The following ABCA10 variants were observed in gnomAD, a reference collection of about 807,000 sequenced individuals.
ABCA10 encodes the protein ATP binding cassette subfamily A member 10, also known as ATP-binding cassette sub-family A member 10.
Under a neutral mutation model 187.5 loss-of-function variants are expected in ABCA10, and 169 were observed. The ratio of observed to expected loss-of-function variants is 0.90; its 90% CI spans 0.80 to 1.02. ABCA10 has a LOEUF of 1.02. ABCA10 is among the 50% of genes least tolerant of loss of function. The probability of loss-of-function intolerance (pLI) is 0.00; values close to 1 mark genes in which losing one functional copy is unlikely to be tolerated. For missense variants in ABCA10, 1,727 were observed against 1,812.4 expected (o/e 0.95, Z 0.86); for synonymous variants, 574 against 601.8 (o/e 0.95, Z 0.68).
chr17:69,221,940 C>T, intron 4 of ABCA10, 45 bp from the exon 5 acceptor site: 1 of 1,399,872 alleles, frequency 7.1e-7, no homozygotes, highest in Non-Finnish European at 9.8e-7. Flanking sequence ...ATAATGGAGT[C>T]AACTCCTGGA....
chr17:69,216,422 C>A, intron 6 of ABCA10, 64 bp from the exon 7 acceptor site: 3 of 1,515,716 alleles, frequency 2.0e-6, no homozygotes, highest in South Asian at 2.7e-5. Flanking sequence ...AGGTAATGTG[C>A]GAAATGGTTA....
chr17:69,225,450 T>C lies in ABCA10; in HGVS notation c.-92A>G. 1 of 1,395,826 alleles carries C rather than the reference T, an allele frequency of 7.2e-7. No individual in the cohort carries two copies. Among genetic ancestry groups the C allele is most frequent in the Non-Finnish European group, 1.0e-6 (1 of 994,456 alleles). The allele number at this position is 1,395,826 out of a possible 1,614,324, so 86.5% of individuals were successfully genotyped here. On this transcript the variant is annotated 5_prime_UTR_variant, in exon 3 of 39. Transcript: ENST00000690296. Reference sequence around the variant, plus strand: ...CACGCTTCCCAGGACTTTAGGAGGTTGTTCAGGAAAACGGGTAGCTCTGAA... The same window carrying C: ...CACGCTTCCCAGGACTTTAGGAGGTCGTTCAGGAAAACGGGTAGCTCTGAA...
intron 30 of ABCA10, among the ~76,000 whole-genome samples, 190 bp downstream of exon 30, chr17:69,154,829 T>C (rs1254104760): frequency 6.6e-6 from 1 of 152,184 alleles, no homozygotes; most frequent in Non-Finnish European, 1.5e-5. Flanking sequence ...CTGGGTTTCT[T>C]GCCATTTGAA....
intron 34 of ABCA10, 112 bp downstream of exon 34, chr17:69,153,193 G>A: frequency 7.9e-7 from 1 of 1,266,574 alleles, no homozygotes; most frequent in South Asian, 1.7e-5. Context: ...TAGAAGATGT[G>A]CACATCAAAG....
chr17:69,217,804 C>A (rs1271021029), intron 6 of ABCA10, among the ~76,000 whole-genome samples: 1 of 152,074 alleles, frequency 6.6e-6, no homozygotes, highest in East Asian at 1.9e-4. Context: ...AATTTAAAGA[C>A]CAAAATTCAC....
In ABCA10 at chr17:69,153,548, T is replaced by C; in HGVS notation, c.3966-2A>G. On this transcript the variant is annotated splice_acceptor_variant, in intron 32 of 38. Coordinates refer to ENST00000690296, the MANE Select transcript of ABCA10 (RefSeq NM_001377321.1). LOFTEE classifies it high-confidence loss of function. ...TGGAGCTTAAGAGCTTCCACCAATC[T>C]GACAAAAAACAGTGTGATTATACAT... 1.2e-6 allele frequency: 2 copies of C among 1,613,512 alleles called. No homozygotes were observed. The highest frequency in any genetic ancestry group is 1.7e-6 in the Non-Finnish European group (2 of 1,179,858).
upstream of ABCA10, among the ~76,000 whole-genome samples, chr17:69,230,467 A>G (rs888200266): frequency 6.6e-6 from 1 of 151,950 alleles, no homozygotes; most frequent in African/African-American, 2.4e-5. Flanking sequence ...ACACATTTAT[A>G]ATAGGATTTG....
intron 27 of ABCA10, among the ~76,000 whole-genome samples, chr17:69,162,935 T>C (rs2074229124): frequency 6.6e-6 from 1 of 151,566 alleles, no homozygotes; most frequent in Admixed American, 6.6e-5. Context: ...ATCTCCTGGC[T>C]CAATCGATTC....
chr17:69,177,988 A>ATG (rs1156988709), intron 22 of ABCA10, among the ~76,000 whole-genome samples: 2 of 135,734 alleles, frequency 1.5e-5, no homozygotes, highest in Admixed American at 7.8e-5. Flanking sequence ...ATATATATAT[A>ATG]TATGTTATAT....
upstream of ABCA10, among the ~76,000 whole-genome samples, chr17:69,231,353 G>A (rs183436590): frequency 4.5e-3 from 686 of 152,190 alleles, 4 homozygotes; most frequent in Non-Finnish European, 6.5e-3. Context: ...TTCTTGAGTT[G>A]CCATGTTAGG....
Position 69,182,788 on chromosome 17 carries a change from C to G in ABCA10, c.2518G>C (p.Val840Leu), listed in dbSNP as rs188482429. The G allele has an allele frequency of 2.3e-4, 375 of 1,602,724 alleles. 4 individuals carry two copies. The South Asian group carries it at 3.1e-3, about 13-fold the overall frequency. Reference protein sequence around the residue: ...NNTGSNIEDLVHSLKCQDIVL... With the variant: ...NNTGSNIEDLLHSLKCQDIVL... ...ATATCCTGACACTTCAGTGAATGCA[C>G]GAGGTCTTCAATATTTGATCCTAAC... The change falls in exon 21 of 39, where the codon GTG becomes CTG. Residue 840 changes from valine (V) to leucine (L), a missense_variant. Val to Leu is a conservative substitution (Grantham distance 32, BLOSUM62 1). Transcript: ENST00000690296.
rs1282740162 is a variant in ABCA10, at chr17:69,164,204, A to G, written c.3283-50T>C. 21 of 1,451,026 alleles carry G rather than the reference A, an allele frequency of 1.4e-5. No homozygotes were observed. The East Asian group carries it at 5.0e-4, about 34-fold the overall frequency. 89.9% of individuals were successfully genotyped at this position (1,451,026 alleles called of 1,614,324 possible). A position where few individuals can be genotyped will look rare whatever the true frequency, so the allele number is the denominator to read the frequency against. ...AAATGCAAGTTTCTCTATAAATATA[A>G]AATTTACACATTAAATACACCCACA... On this transcript the variant is annotated intron_variant, in intron 26 of 38. Transcript: ENST00000690296.
rs567603348 is a variant in ABCA10, at chr17:69,167,220, C to A, written c.3163-2137G>T. Among the ~76,000 whole-genome samples the A allele has an allele frequency of 5.3e-5, 8 of 152,282 alleles. No individual in the cohort carries two copies. The South Asian group carries it at 1.7e-3, about 32-fold the overall frequency. ...ACACTGACGGCAACAAAGCGGTCTGCTTGCTCCCAAACACATCTCTAATCC... is the reference window on the plus strand; with the variant it reads ...ACACTGACGGCAACAAAGCGGTCTGATTGCTCCCAAACACATCTCTAATCC... On this transcript the variant is annotated intron_variant, in intron 25 of 38. Transcript: ENST00000690296.
chr17:69,173,561 C>A (rs2074312385), intron 25 of ABCA10, among the ~76,000 whole-genome samples: 1 of 151,880 alleles, frequency 6.6e-6, no homozygotes, highest in African/African-American at 2.4e-5. Context: ...CCGCTGATCC[C>A]CAAACTAAGG....
chr17:69,223,761 A>C, intron 3 of ABCA10: 2 of 377,470 alleles, frequency 5.3e-6, no homozygotes, highest in Non-Finnish European at 1.0e-5. Flanking sequence ...TTTATGCTAA[A>C]AAGCAAGAGT....
At chr17:69,215,709 A>C in intron 8 of ABCA10, 106 bp downstream of exon 8, 3 of 1,126,364 alleles carry the variant, frequency 2.7e-6, no homozygotes, top group Non-Finnish European at 3.5e-6. Flanking sequence ...AGAATTTCTT[A>C]AAACACAGAG....
At chr17:69,160,968 T>C (rs1479548533) in intron 27 of ABCA10, among the ~76,000 whole-genome samples, 1 of 152,238 alleles carries the variant, frequency 6.6e-6, no homozygotes, top group African/African-American at 2.4e-5. Flanking sequence ...CCCAAGTTCA[T>C]AGCTTACAAT....
chr17:69,200,356 T>C (rs919242484), intron 10 of ABCA10, among the ~76,000 whole-genome samples: 1 of 152,206 alleles, frequency 6.6e-6, no homozygotes, highest in East Asian at 1.9e-4. Flanking sequence ...AAAGCCAGGA[T>C]TCAAACCAGT....
At position 69,175,700 on chromosome 17, in the gene ABCA10, A is replaced by G. The variant is rs138562895; in HGVS notation, c.2770-187T>C. The G allele has an allele frequency of 3.9e-3, 1,757 of 450,060 alleles. 18 individuals are homozygous for G. Among genetic ancestry groups the G allele is most frequent in the African/African-American group, 0.031 (1,514 of 49,290 alleles). 27.9% of individuals were successfully genotyped at this position (450,060 alleles called of 1,614,324 possible). ...TCCATTCCCAGGAACAGCATGATATAAAAGAAATTCAAAATCTCAATTTTA... is the reference window on the plus strand; with the variant it reads ...TCCATTCCCAGGAACAGCATGATATGAAAGAAATTCAAAATCTCAATTTTA... On this transcript the variant is annotated intron_variant, in intron 22 of 38. Transcript: ENST00000690296.
Sources: allele counts gnomAD v4.1 joint callset (sites outside exome capture counted in the v4.1 genomes callset), GRCh38; gene constraint gnomAD v4.1.1; transcripts MANE v1.5; gene names NCBI Gene and HGNC (gene_info 2026-07-23, HGNC 2026-07-21).